PATL2: variants seen among roughly 807,000 people sequenced by gnomAD.
PATL2 encodes protein PAT1 homolog 2.
A neutral mutation model predicts 77.0 loss-of-function variants in PATL2; 73 were observed. That is an observed-to-expected ratio of 0.95 (90% confidence interval 0.78 to 1.15). The LOEUF is 1.15. PATL2 is among the 50% of genes most tolerant of loss of function. The pLI is 0.00. For synonymous variants in PATL2, 265 were observed against 257.1 expected, an observed-to-expected ratio of 1.03 and a Z score of -0.29; for missense variants, 618 against 655.4, an observed-to-expected ratio of 0.94 and a Z score of 0.62.
rs2085576299 is a variant in PATL2, at chr15:44,669,824, T to C, written c.829A>G (p.Ser277Gly). ...LGQVAVSTCF[S>G]PRRAIDAVPH... ...ACCGCATCAATAGCTCGGCGAGGGC[T>C]GAAGCATGTCGACACAGCTACCTGG... The change falls in exon 11 of 18, where the codon AGC (serine) becomes GGC (glycine). Residue 277 changes from serine to glycine, a missense_variant. Transcript: ENST00000682850. 1 of 1,551,670 alleles carries C rather than the reference T, an allele frequency of 6.4e-7. No individual in the cohort carries two copies.
chr15:44,669,203 AG>A, intron 13 of PATL2, 64 bp from the exon 14 acceptor site: 1 of 1,524,020 alleles, frequency 6.6e-7, no homozygotes, highest in South Asian at 1.2e-5. Context: ...CATGCCACAA[AG>A]GAGAGGCAGA....
intron 3 of PATL2, among the ~76,000 whole-genome samples, chr15:44,695,045 G>A (rs1279868872): frequency 6.6e-6 from 1 of 152,108 alleles, no homozygotes; most frequent in African/African-American, 2.4e-5. Context: ...AAAATTAGCT[G>A]GGCGTGGTGG....
intron 3 of PATL2, among the ~76,000 whole-genome samples, chr15:44,684,983 T>C (rs899743829): frequency 2.6e-5 from 4 of 152,198 alleles, no homozygotes; most frequent in African/African-American, 9.6e-5. Flanking sequence ...CAGAATTTCA[T>C]ATCCAGCCAA....
At chr15:44,672,630 A>G (rs933562020) in intron 7 of PATL2, among the ~76,000 whole-genome samples, 174 bp from the exon 8 acceptor site, 3 of 152,308 alleles carry the variant, frequency 2.0e-5, no homozygotes, top group African/African-American at 7.2e-5. Context: ...AGGGTTCCCA[A>G]GCTCCTCCAA....
intron 3 of PATL2, among the ~76,000 whole-genome samples, chr15:44,677,973 G>T (rs578095547): frequency 6.6e-6 from 1 of 152,052 alleles, no homozygotes; most frequent in African/African-American, 2.4e-5. Context: ...GAGTAGCTGG[G>T]ATTACAGGCG....
At chr15:44,703,022 C>T (rs141741695) in intron 3 of PATL2, among the ~76,000 whole-genome samples, 121 of 152,140 alleles carry the variant, frequency 8.0e-4, no homozygotes, top group African/African-American at 2.6e-3. Context: ...ATGCCTGTAA[C>T]TCCAGCACTT....
At position 44,672,380 on chromosome 15, in the gene PATL2, G is replaced by C. The variant is rs2085731789; in HGVS notation, c.515+8C>G. On this transcript the variant is annotated splice_region_variant and intron_variant, in intron 8 of 17. Coordinates refer to ENST00000682850, the MANE Select transcript of PATL2 (RefSeq NM_001387263.1). ...TCCCCTCAACCCTGCTCCTGGTCTG[G>C]GCTTTACCTTGGTGTTTGACTATGC... The C allele has an allele frequency of 6.4e-7, 1 of 1,551,428 alleles. No individual in the cohort carries two copies. The highest frequency in any genetic ancestry group is 1.4e-5 in the African/African-American group (1 of 72,998).
rs150205668 is a variant in PATL2 at position 44,691,529 on chromosome 15, G to A, written c.-75-14964C>T. Among the ~76,000 whole-genome samples the A allele has an allele frequency of 2.4e-3, 363 of 152,052 alleles. 16 individuals are homozygous for A. In the East Asian group the frequency reaches 0.059, roughly 25 times the overall value. On this transcript the variant is annotated intron_variant, in intron 3 of 17. Transcript: ENST00000682850. ...AACAGTTATCTGAGTGTGGTGGCAT[G>A]TTCCTGTAATCCCAGCTACTTGGGA...
intron 3 of PATL2, among the ~76,000 whole-genome samples, chr15:44,704,734 C>CA (rs371238045): frequency 7.9e-5 from 12 of 152,270 alleles, no homozygotes; most frequent in Middle Eastern, 3.4e-3. Context: ...TTTCATTGCT[C>CA]ATTAATGTCC....
At chr15:44,674,930 A>G (rs1251600937) in intron 5 of PATL2, 1 of 152,652 alleles carries the variant, frequency 6.6e-6, no homozygotes, top group Non-Finnish European at 1.5e-5. Flanking sequence ...AGTTATAACA[A>G]TATACTGTAA....
chr15:44,682,614 G>A (rs2086158805), intron 3 of PATL2, among the ~76,000 whole-genome samples: 1 of 152,082 alleles, frequency 6.6e-6, no homozygotes, highest in Non-Finnish European at 1.5e-5. Flanking sequence ...CACTCCTCAC[G>A]TTCTTCCCAA....
At chr15:44,687,923 C>A (rs745365485) in intron 3 of PATL2, among the ~76,000 whole-genome samples, 10 of 152,146 alleles carry the variant, frequency 6.6e-5, no homozygotes, top group African/African-American at 2.4e-4. Context: ...AGTGGAAAAT[C>A]ATTCCATGCT....
At chr15:44,693,831 G>C (rs1343272782) in intron 3 of PATL2, among the ~76,000 whole-genome samples, 3 of 151,760 alleles carry the variant, frequency 2.0e-5, no homozygotes, top group Non-Finnish European at 4.4e-5. Flanking sequence ...TCCCAATTAG[G>C]TGGGATTACA....
chr15:44,702,565 A>G (rs2086651850), intron 3 of PATL2, among the ~76,000 whole-genome samples: 1 of 151,688 alleles, frequency 6.6e-6, no homozygotes, highest in African/African-American at 2.4e-5. Flanking sequence ...AGTTCTTTGA[A>G]ATGCATCATT....
chr15:44,688,171 G>A (rs1167533419), intron 3 of PATL2, among the ~76,000 whole-genome samples: 9 of 150,978 alleles, frequency 6.0e-5, no homozygotes, highest in Admixed American at 2.0e-4. Flanking sequence ...GCGTGAACCC[G>A]GGAGGCAGAG....
At chr15:44,701,170 G>T (rs1159580150) in intron 3 of PATL2, among the ~76,000 whole-genome samples, 1 of 151,692 alleles carries the variant, frequency 6.6e-6, no homozygotes, top group East Asian at 1.9e-4. Flanking sequence ...TATTGCAGAT[G>T]AGATGAATAA....
intron 3 of PATL2, among the ~76,000 whole-genome samples, chr15:44,696,390 T>A (rs964924247): frequency 6.6e-6 from 1 of 152,252 alleles, no homozygotes; most frequent in Non-Finnish European, 1.5e-5. Context: ...AATAGGCTTA[T>A]AATTAAGGAT....
intron 3 of PATL2, among the ~76,000 whole-genome samples, chr15:44,701,816 G>A (rs953551025): frequency 6.6e-6 from 1 of 152,020 alleles, no homozygotes; most frequent in Admixed American, 6.6e-5. Context: ...CATCTGCTCA[G>A]CTACTGGGGA....
chr15:44,691,143 A>T (rs1416632128), intron 3 of PATL2, among the ~76,000 whole-genome samples: 1 of 152,134 alleles, frequency 6.6e-6, no homozygotes, highest in Admixed American at 6.5e-5. Flanking sequence ...TGGTTATAAA[A>T]AACTCAAAAA....
Sources: allele counts gnomAD v4.1 joint callset (sites outside exome capture counted in the v4.1 genomes callset), GRCh38; gene constraint gnomAD v4.1.1; transcripts MANE v1.5; gene names NCBI Gene and HGNC (gene_info 2026-07-23, HGNC 2026-07-21).